MICAL2: variants seen among roughly 807,000 people sequenced by gnomAD.
MICAL2 encodes microtubule associated monooxygenase, calponin and LIM domain containing 2.
A neutral mutation model predicts 127.3 loss-of-function variants in MICAL2; 77 were observed. The ratio of observed to expected loss-of-function variants is 0.60; its 90% CI spans 0.50 to 0.73. The LOEUF (loss-of-function observed/expected upper bound fraction) is 0.73. Among genes scored for constraint, MICAL2 ranks in the 30% least tolerant of loss-of-function variants. The pLI is 0.00. For synonymous variants in MICAL2, 570 were observed against 551.1 expected, an observed-to-expected ratio of 1.03 and a Z score of -0.48; for missense variants, 1,351 against 1,434.4, an observed-to-expected ratio of 0.94 and a Z score of 0.94.
chr11:12,351,856 T>C (rs1939051821), intron 33 of MICAL2, among the ~76,000 whole-genome samples: 1 of 151,284 alleles, frequency 6.6e-6, no homozygotes, highest in Non-Finnish European at 1.5e-5. Flanking sequence ...AGTGGTGTGA[T>C]CTCGGCTCAC....
At chr11:12,297,574 T>C (rs56338899) in intron 29 of MICAL2, among the ~76,000 whole-genome samples, 4,922 of 152,184 alleles carry the variant, frequency 0.032, 110 homozygotes, top group African/African-American at 0.065. Context: ...GGGTTTTATA[T>C]AGTAGTTAGA....
At chr11:12,124,918 A>G (rs944492083) in intron 1 of MICAL2, among the ~76,000 whole-genome samples, 6 of 152,242 alleles carry the variant, frequency 3.9e-5, no homozygotes, top group Non-Finnish European at 5.9e-5. Context: ...TTTCCTCCAC[A>G]GTTCCTGTGT....
chr11:12,234,945 AAAATGGTAG>A (rs1351510853), intron 15 of MICAL2, among the ~76,000 whole-genome samples: 1 of 152,206 alleles, frequency 6.6e-6, no homozygotes, highest in African/African-American at 2.4e-5. Context: ...CCCTGCATCC[AAAATGGTAG>A]AAAGGCTAGG....
At chr11:12,284,437 C>G (rs573538660) in intron 2 of MICAL2, among the ~76,000 whole-genome samples, 8 of 152,096 alleles carry the variant, frequency 5.3e-5, no homozygotes, top group South Asian at 4.1e-4. Context: ...TTATGCTGCT[C>G]AGCATTACTA....
intron 6 of MICAL2, among the ~76,000 whole-genome samples, chr11:12,211,874 G>A (rs1475431171): frequency 6.6e-6 from 1 of 152,192 alleles, no homozygotes; most frequent in Non-Finnish European, 1.5e-5. Flanking sequence ...ACAGCCCAGT[G>A]GTGGCAACCT....
At position 12,260,606 on chromosome 11, in the gene MICAL2, C is replaced by T. The variant is rs191338169; in HGVS notation, c.3334+709C>T. 3,268 of 989,000 alleles carry T rather than the reference C, an allele frequency of 3.3e-3. 10 individuals carry two copies. Among genetic ancestry groups the T allele is most frequent in the South Asian group, 0.02 (425 of 21,334 alleles). The allele number at this position is 989,000 out of a possible 1,614,324, so 61.3% of individuals were successfully genotyped here. ...TTTTACACGCATGAAAATGAGTGTG[C>T]CATCTCCTGACCAGTGCCTTTTGAC... On this transcript the variant is annotated intron_variant, in intron 26 of 27. Coordinates refer to ENST00000683283, the MANE Select transcript of MICAL2 (RefSeq NM_001282663.2).
intron 2 of MICAL2, among the ~76,000 whole-genome samples, chr11:12,149,303 A>T (rs187449138): frequency 6.6e-6 from 1 of 152,286 alleles, no homozygotes; most frequent in African/African-American, 2.4e-5. Context: ...TCACGAAGGT[A>T]GTTTTTGTTT....
At chr11:12,286,507 G>T (rs894382658) in intron 2 of MICAL2, among the ~76,000 whole-genome samples, 3 of 152,208 alleles carry the variant, frequency 2.0e-5, no homozygotes, top group African/African-American at 4.8e-5. Context: ...GCTCACTGAT[G>T]ATCTTAGTAA....
At chr11:12,258,653 G>T in intron 25 of MICAL2, 97 bp downstream of exon 25, 1 of 1,099,856 alleles carries the variant, frequency 9.1e-7, no homozygotes, top group African/African-American at 1.6e-5. Flanking sequence ...TGGCCCTAGA[G>T]GGATTGAGAT....
At chr11:12,155,972 G>T (rs1854145877) in intron 2 of MICAL2, among the ~76,000 whole-genome samples, 1 of 152,244 alleles carries the variant, frequency 6.6e-6, no homozygotes, top group Non-Finnish European at 1.5e-5. Flanking sequence ...TGAGGAAGGG[G>T]GAATGTATGA....
chr11:12,294,787 G>A (rs1863959450), downstream of MICAL2: 1 of 1,587,256 alleles, frequency 6.3e-7, no homozygotes, highest in Non-Finnish European at 8.5e-7. Flanking sequence ...GCACCTCCCT[G>A]CGCCAGGCAG....
chr11:12,192,958 A>G (rs1438215227), intron 3 of MICAL2, among the ~76,000 whole-genome samples: 4 of 152,232 alleles, frequency 2.6e-5, no homozygotes, highest in African/African-American at 9.6e-5. Context: ...TTCCTCTTTT[A>G]TGGTTGAGAG....
chr11:12,293,916 G>C, downstream of MICAL2: 1 of 1,612,616 alleles, frequency 6.2e-7, no homozygotes, highest in South Asian at 1.1e-5. Context: ...ACTGGAGCCA[G>C]GAAGGAAGAA....
intron 3 of MICAL2, among the ~76,000 whole-genome samples, chr11:12,178,569 T>G (rs1275137194): frequency 6.6e-6 from 1 of 152,010 alleles, no homozygotes; most frequent in Non-Finnish European, 1.5e-5. Flanking sequence ...GAGTTTAAGT[T>G]GGCATAAAGA....
chr11:12,324,964 C>G (rs1864338777), intron 31 of MICAL2, among the ~76,000 whole-genome samples: 1 of 152,156 alleles, frequency 6.6e-6, no homozygotes, highest in Non-Finnish European at 1.5e-5. Flanking sequence ...TATTGATTGG[C>G]AAACTAGGCA....
chr11:12,358,365 G>A, exon 35 of MICAL2: 1 of 1,614,148 alleles, frequency 6.2e-7, no homozygotes, highest in Non-Finnish European at 8.5e-7. Flanking sequence ...AAGTGATTGA[G>A]CAAAGGGACA....
At chr11:12,144,183 T>A (rs1852645327) in intron 2 of MICAL2, among the ~76,000 whole-genome samples, 1 of 152,224 alleles carries the variant, frequency 6.6e-6, no homozygotes, top group Non-Finnish European at 1.5e-5. Flanking sequence ...GTGGGTTTTG[T>A]ATCTTTATGA....
At chr11:12,182,844 G>A (rs371473473) in intron 3 of MICAL2, among the ~76,000 whole-genome samples, 4 of 152,108 alleles carry the variant, frequency 2.6e-5, no homozygotes, top group South Asian at 2.1e-4. Context: ...TGTGTAGGCC[G>A]ATCCTCTGCT....
At chr11:12,161,084 C>T (rs1462458445) in intron 2 of MICAL2, among the ~76,000 whole-genome samples, 2 of 152,208 alleles carry the variant, frequency 1.3e-5, no homozygotes, top group African/African-American at 4.8e-5. Flanking sequence ...ACCCCTCCAG[C>T]CCTCCTGACA....
Sources: allele counts gnomAD v4.1 joint callset (sites outside exome capture counted in the v4.1 genomes callset), GRCh38; gene constraint gnomAD v4.1.1; transcripts MANE v1.5; gene names NCBI Gene and HGNC (gene_info 2026-07-23, HGNC 2026-07-21).